USP25: variants seen among roughly 807,000 people sequenced by gnomAD.
The protein encoded by USP25 is ubiquitin carboxyl-terminal hydrolase 25.
In USP25, 85 loss-of-function variants were observed where a neutral mutation model predicts 158.5. The observed-to-expected ratio is 0.54, with a 90% CI of 0.45 to 0.64. The LOEUF is 0.64. Among genes scored for constraint, USP25 ranks in the 30% least tolerant of loss-of-function variants. USP25 has a pLI of 0.00. For missense variants in USP25, 1,242 were observed against 1,327.3 expected, an observed-to-expected ratio of 0.94 and a Z score of 1.00; for synonymous variants, 464 against 460.4, an observed-to-expected ratio of 1.01 and a Z score of -0.10.
intron 19 of USP25, among the ~76,000 whole-genome samples, chr21:15,848,814 A>G (rs1464700692): frequency 6.6e-6 from 1 of 152,176 alleles, no homozygotes; most frequent in Non-Finnish European, 1.5e-5. Context: ...TGTTAGATAT[A>G]TTGCAATTCT....
At chr21:15,858,500 G>A (rs1027457760) in intron 20 of USP25, among the ~76,000 whole-genome samples, 1 of 151,510 alleles carries the variant, frequency 6.6e-6, no homozygotes, top group Non-Finnish European at 1.5e-5. Context: ...TAGGTAACGG[G>A]ATAATTAATT....
chr21:15,799,285 T>G (rs766480464), intron 5 of USP25, among the ~76,000 whole-genome samples: 2 of 151,278 alleles, frequency 1.3e-5, no homozygotes, highest in Admixed American at 6.6e-5. Context: ...TCTGTCTCCT[T>G]TCTAAATTGT....
chr21:15,797,436 C>T (rs1213250302), intron 5 of USP25, among the ~76,000 whole-genome samples: 1 of 151,272 alleles, frequency 6.6e-6, no homozygotes. Context: ...ACTTTGATAC[C>T]TTTAAACATC....
chr21:15,832,952 A>C (rs140045728), intron 16 of USP25, among the ~76,000 whole-genome samples: 1,754 of 152,060 alleles, frequency 0.012, 34 homozygotes, highest in African/African-American at 0.041. Context: ...CGGAAGGCGG[A>C]GGTTGCAGTG....
chr21:15,794,523 A>G (rs976171975), intron 5 of USP25, among the ~76,000 whole-genome samples: 1 of 150,754 alleles, frequency 6.6e-6, no homozygotes, highest in African/African-American at 2.4e-5. Context: ...TCTTCTCTGT[A>G]GCTCTGGGAC....
chr21:15,751,633 T>C (rs1226433229), intron 1 of USP25, among the ~76,000 whole-genome samples: 1 of 152,198 alleles, frequency 6.6e-6, no homozygotes, highest in East Asian at 1.9e-4. Context: ...AAGGATATGA[T>C]TTGATTCATA....
At chr21:15,772,431 T>A (rs1297358546) in intron 3 of USP25, among the ~76,000 whole-genome samples, 1 of 152,222 alleles carries the variant, frequency 6.6e-6, no homozygotes, top group Non-Finnish European at 1.5e-5. Flanking sequence ...CCCATGTGTG[T>A]GCTGTTGAAT....
intron 14 of USP25, among the ~76,000 whole-genome samples, chr21:15,827,572 G>A (rs1398118913): frequency 1.3e-5 from 2 of 152,132 alleles, no homozygotes; most frequent in African/African-American, 4.8e-5. Context: ...TGCACAGGGA[G>A]TTCCGGTGAT....
chr21:15,743,938 A>G (rs575672563), intron 1 of USP25: 122 of 155,714 alleles, frequency 7.8e-4, no homozygotes, highest in Admixed American at 2.1e-3. Context: ...GCAGATTTGC[A>G]GAACTGGCTT....
At position 15,766,708 on chromosome 21, in the gene USP25, T is replaced by G. The variant is rs2034058546; in HGVS notation, c.268+567T>G. 6.6e-6 allele frequency among the ~76,000 whole-genome samples: 1 copy of G among 152,080 alleles called. No homozygotes were observed. Among genetic ancestry groups the G allele is most frequent in the Non-Finnish European group, 1.5e-5 (1 of 67,948 alleles). ...AAGATTCTATGTGGGACTTAAGTTT[T>G]TCTTCATAATATGAATACTTTATAC... On this transcript the variant is annotated intron_variant, in intron 3 of 25. Transcript: ENST00000400183. This position sits in a 1 kb window ranked among gnomAD's most constrained non-coding sequence, Gnocchi z 4.0.
At chr21:15,846,502 G>C (rs919938421) in intron 18 of USP25, among the ~76,000 whole-genome samples, 1 of 151,906 alleles carries the variant, frequency 6.6e-6, no homozygotes, top group African/African-American at 2.4e-5. Context: ...ACCAGTTGCA[G>C]CTATTGGTTT....
At chr21:15,759,856 C>G (rs1260334709) in intron 1 of USP25, among the ~76,000 whole-genome samples, 3 of 152,176 alleles carry the variant, frequency 2.0e-5, no homozygotes, top group Non-Finnish European at 2.9e-5. Flanking sequence ...GGTATAAAAA[C>G]TGATAGGTTT....
At chr21:15,782,224 C>T (rs2123532873) in intron 4 of USP25, among the ~76,000 whole-genome samples, 1 of 152,282 alleles carries the variant, frequency 6.6e-6, no homozygotes, top group East Asian at 1.9e-4. Context: ...GTGGCCCCAC[C>T]CCAAGGGAGA....
chr21:15,772,883 A>G (rs1212591122), intron 3 of USP25, among the ~76,000 whole-genome samples: 2 of 152,150 alleles, frequency 1.3e-5, no homozygotes, highest in African/African-American at 4.8e-5. Context: ...TGTGGACCGT[A>G]TGTGAGGGAT....
intron 1 of USP25, among the ~76,000 whole-genome samples, chr21:15,746,901 T>A (rs890310580): frequency 6.6e-6 from 1 of 152,238 alleles, no homozygotes; most frequent in Non-Finnish European, 1.5e-5. Context: ...CATCTTTGTC[T>A]TGTTCCCGAT....
chr21:15,786,397 C>G (rs556721583), intron 4 of USP25, among the ~76,000 whole-genome samples: 1 of 152,182 alleles, frequency 6.6e-6, no homozygotes, highest in Admixed American at 6.5e-5. Flanking sequence ...GATTCTAGCA[C>G]GTCCGATTCA....
At chr21:15,763,726 A>T (rs1280580397) in intron 2 of USP25, among the ~76,000 whole-genome samples, 1 of 152,130 alleles carries the variant, frequency 6.6e-6, no homozygotes. Context: ...AGAGTTCTTT[A>T]TTTGTTTTTA....
intron 20 of USP25, 39 bp from the exon 21 acceptor site, chr21:15,864,229 A>G: frequency 1.9e-6 from 3 of 1,579,660 alleles, no homozygotes; most frequent in Non-Finnish European, 1.7e-6. Flanking sequence ...TGGTGTTCAA[A>G]TAATTAACCA....
intron 21 of USP25, among the ~76,000 whole-genome samples, chr21:15,865,087 A>T (rs1249463301): frequency 6.6e-6 from 1 of 152,132 alleles, no homozygotes; most frequent in African/African-American, 2.4e-5. Context: ...AATATAGAAA[A>T]TATTCTATAG....
Sources: gnomAD v4.1 joint callset for allele counts (sites outside exome capture counted in the v4.1 genomes callset) on GRCh38, gnomAD v4.1.1 for gene constraint, Gnocchi (gnomAD v3.1) non-coding constraint, MANE v1.5 for transcripts, NCBI Gene and HGNC (gene_info 2026-07-23, HGNC 2026-07-21) for gene names.